The following KAT6B variants were observed in gnomAD, a reference collection of about 807,000 sequenced individuals.
The protein encoded by KAT6B is histone acetyltransferase KAT6B.
KAT6B carries 10 observed loss-of-function variants against 187.5 expected under a neutral mutation model. The observed-to-expected ratio is 0.05, with a 90% CI of 0.03 to 0.09. KAT6B has a LOEUF of 0.09. KAT6B is among the 10% of genes least tolerant of loss of function. The pLI is 1.00. For synonymous variants in KAT6B, 861 were observed against 926.8 expected (o/e 0.93, Z 1.29); for missense variants, 1,952 against 2,558.9 (o/e 0.76, Z 5.12).
Position 75,028,989 on chromosome 10 carries a change from G to C in KAT6B, c.4165G>C (p.Glu1389Gln). ...EKDPDGAKSQ[E>Q]KEEPEISTEK... is the part of the protein sequence containing the mutation. ...AGATCCAGATGGTGCTAAAAGCCAA[G>C]AAAAAGAGGAACCAGAAATCTCCAC... The change falls in exon 18 of 18, where the codon GAA becomes CAA. Residue 1389 changes from glutamate to glutamine, a missense_variant. Transcript: ENST00000287239. 6.2e-7 allele frequency: 1 copy of C among 1,613,974 alleles called. No individual in the cohort carries two copies. The highest frequency in any genetic ancestry group is 1.3e-5 in the African/African-American group (1 of 74,982).
intron 3 of KAT6B, among the ~76,000 whole-genome samples, chr10:74,873,190 G>A (rs2132429413): frequency 6.6e-6 from 1 of 152,126 alleles, no homozygotes; most frequent in Admixed American, 6.6e-5. Context: ...CCCAGGCATG[G>A]TGGCTCACGG....
In KAT6B at chr10:74,843,409, A is replaced by C. The variant is rs1279686368; in HGVS notation, c.552A>C (p.Ala184=). The C allele has an allele frequency of 6.2e-7, 1 of 1,613,942 alleles. No individual in the cohort carries two copies. Residue 184 remains alanine, a synonymous_variant, in exon 3 of 18, where the codon GCA becomes GCC. Transcript: ENST00000287239. ...VNYGSLDGKG[A]PQYPSAFPSS... is the part of the protein sequence containing the mutation. ...ATGGGAGCTTAGATGGCAAAGGGGC[A>C]CCTCAGTATCCCAGTGCATTCCCAT...
chr10:75,004,566 G>A (rs1386730221), intron 13 of KAT6B, among the ~76,000 whole-genome samples: 1 of 152,240 alleles, frequency 6.6e-6, no homozygotes, highest in Non-Finnish European at 1.5e-5. Context: ...CCATAGGGAA[G>A]TAGAGGGTCA....
chr10:74,963,824 G>T (rs1841271078), intron 4 of KAT6B, among the ~76,000 whole-genome samples: 1 of 152,132 alleles, frequency 6.6e-6, no homozygotes, highest in Non-Finnish European at 1.5e-5. Flanking sequence ...CTAAAGATAT[G>T]ATCCAAAGAA....
chr10:74,922,985 A>G (rs1426400488), intron 3 of KAT6B, among the ~76,000 whole-genome samples: 1 of 152,234 alleles, frequency 6.6e-6, no homozygotes, highest in East Asian at 1.9e-4. Flanking sequence ...TGGCTGAATT[A>G]TACACTGTGG....
chr10:74,901,676 T>C (rs1340458529), intron 3 of KAT6B, among the ~76,000 whole-genome samples: 2 of 152,194 alleles, frequency 1.3e-5, no homozygotes, highest in African/African-American at 4.8e-5. Flanking sequence ...GTGTCGCTAA[T>C]AGGCAAATCC....
chr10:74,958,335 A>G (rs1277998712), intron 3 of KAT6B, among the ~76,000 whole-genome samples: 3 of 152,230 alleles, frequency 2.0e-5, no homozygotes, highest in Non-Finnish European at 2.9e-5. Flanking sequence ...AGTTTATTCT[A>G]TGCTGATGTA....
At chr10:74,846,184 A>G (rs1342952477) in intron 3 of KAT6B, among the ~76,000 whole-genome samples, 3 of 151,702 alleles carry the variant, frequency 2.0e-5, no homozygotes, top group Non-Finnish European at 4.4e-5. Context: ...TGTTAACTAT[A>G]TTTTTATTTT....
intron 4 of KAT6B, among the ~76,000 whole-genome samples, chr10:74,968,626 C>T (rs1841642370): frequency 6.6e-6 from 1 of 151,944 alleles, no homozygotes; most frequent in South Asian, 2.1e-4. Context: ...TTTTTTATTA[C>T]CCCTCAGGTT....
intron 3 of KAT6B, among the ~76,000 whole-genome samples, chr10:74,901,869 T>A (rs1432365334): frequency 6.6e-6 from 1 of 152,214 alleles, no homozygotes; most frequent in Non-Finnish European, 1.5e-5. Context: ...AGTAATGTTT[T>A]TAATGTCATT....
intron 3 of KAT6B, among the ~76,000 whole-genome samples, chr10:74,887,025 G>A (rs1383439740): frequency 1.3e-5 from 2 of 152,188 alleles, no homozygotes; most frequent in African/African-American, 4.8e-5. Context: ...CATAGTGCAG[G>A]TGTGAAGGGA....
intron 3 of KAT6B, among the ~76,000 whole-genome samples, chr10:74,885,734 C>CTTT (rs149580820): frequency 1.5e-5 from 2 of 135,550 alleles, no homozygotes; most frequent in South Asian, 2.4e-4. Flanking sequence ...AGGAGAAGTT[C>CTTT]TTTTTTTTTT....
At chr10:74,878,580 G>A (rs1483387431) in intron 3 of KAT6B, among the ~76,000 whole-genome samples, 4 of 144,526 alleles carry the variant, frequency 2.8e-5, no homozygotes, top group Non-Finnish European at 4.5e-5. Context: ...AGATGGTGCC[G>A]CTGCACTCCA....
rs551073551 is a variant in KAT6B, at chr10:74,860,642, A to G, written c.621+17164A>G. On this transcript the variant is annotated intron_variant, in intron 3 of 17. Transcript: ENST00000287239. ...CACATACCTAGTGAATTCTTGCAAT[A>G]TATAAAACACTGTATTAGGCACATA... Among the ~76,000 whole-genome samples, 61 of 152,328 alleles carry G rather than the reference A, an allele frequency of 4.0e-4. 1 individual carries two copies. Among genetic ancestry groups the G allele is most frequent in the Non-Finnish European group, 5.3e-4 (36 of 68,024 alleles).
At chr10:74,829,886 C>A (rs183497122) in intron 1 of KAT6B, among the ~76,000 whole-genome samples, 1 of 151,380 alleles carries the variant, frequency 6.6e-6, no homozygotes, top group Non-Finnish European at 1.5e-5. Context: ...GGCATGGTGG[C>A]GGGCGCCTGT....
intron 13 of KAT6B, among the ~76,000 whole-genome samples, chr10:75,006,950 C>T (rs1844245976): frequency 1.3e-5 from 2 of 151,806 alleles, no homozygotes; most frequent in African/African-American, 4.8e-5. Flanking sequence ...CACCTGTAGT[C>T]CCAGCTACTT....
At chr10:74,954,293 A>G (rs1840522171) in intron 3 of KAT6B, among the ~76,000 whole-genome samples, 2 of 152,222 alleles carry the variant, frequency 1.3e-5, no homozygotes, top group African/African-American at 4.8e-5. Flanking sequence ...GACAGAAAGT[A>G]GAATGGTGTT....
chr10:74,907,596 G>A (rs922220749), intron 3 of KAT6B, among the ~76,000 whole-genome samples: 5 of 151,662 alleles, frequency 3.3e-5, no homozygotes, highest in Admixed American at 6.6e-5. Context: ...GCATGGTCTC[G>A]GCTCACTGCA....
At chr10:74,900,538 G>T (rs151057000) in intron 3 of KAT6B, among the ~76,000 whole-genome samples, 1 of 152,254 alleles carries the variant, frequency 6.6e-6, no homozygotes, top group Non-Finnish European at 1.5e-5. Context: ...TCCAGCGCAC[G>T]TGTAGGAGCA....
Sources: allele counts gnomAD v4.1 joint callset (sites outside exome capture counted in the v4.1 genomes callset), GRCh38; gene constraint gnomAD v4.1.1; transcripts MANE v1.5; gene names NCBI Gene and HGNC (gene_info 2026-07-23, HGNC 2026-07-21).